PLD5: variants seen among roughly 807,000 people sequenced by gnomAD.
The protein encoded by PLD5 is phospholipase D family member 5.
Under a neutral mutation model 61.1 loss-of-function variants are expected in PLD5, and 36 were observed. That is an observed-to-expected ratio of 0.59 (90% CI 0.45 to 0.78). The LOEUF (loss-of-function observed/expected upper bound fraction) is 0.78. PLD5 is among the 30% of genes least tolerant of loss of function. PLD5 has a pLI of 0.00. For missense variants in PLD5, 515 were observed against 644.4 expected (o/e 0.80, Z 2.17); for synonymous variants, 243 against 242.8 (o/e 1.00, Z -0.01).
intron 5 of PLD5, among the ~76,000 whole-genome samples, chr1:242,148,842 A>G (rs1664721728): frequency 6.6e-6 from 1 of 152,000 alleles, no homozygotes; most frequent in South Asian, 2.1e-4. Flanking sequence ...TTCTACATAC[A>G]GAAACATTAA....
intron 8 of PLD5, among the ~76,000 whole-genome samples, chr1:242,102,828 G>T (rs1660785427): frequency 1.3e-5 from 2 of 151,912 alleles, no homozygotes; most frequent in Non-Finnish European, 2.9e-5. Context: ...GGCTATATGT[G>T]AACTACTAAT....
chr1:242,505,278 G>C (rs1354037457), intron 1 of PLD5, among the ~76,000 whole-genome samples: 1 of 152,208 alleles, frequency 6.6e-6, no homozygotes, highest in East Asian at 1.9e-4. Flanking sequence ...CTGTTTTAAA[G>C]AGGACACAGC....
chr1:242,398,947 A>G (rs548649227), intron 1 of PLD5, among the ~76,000 whole-genome samples: 181 of 152,178 alleles, frequency 1.2e-3, no homozygotes, highest in Non-Finnish European at 2.2e-3. Flanking sequence ...AGCTAGGGAC[A>G]TAGTGAGCCC....
chr1:242,523,404 T>A (rs1283925199), intron 1 of PLD5, among the ~76,000 whole-genome samples: 1 of 152,078 alleles, frequency 6.6e-6, no homozygotes, highest in Non-Finnish European at 1.5e-5. Flanking sequence ...CCAATTCACT[T>A]CGCGTGAAGT....
At chr1:242,369,322 T>C (rs1661507614) in intron 1 of PLD5, among the ~76,000 whole-genome samples, 1 of 152,020 alleles carries the variant, frequency 6.6e-6, no homozygotes, top group African/African-American at 2.4e-5. Context: ...CATGGCAATT[T>C]GGCAGTTTTT....
At chr1:242,415,055 G>GT (rs1038348266) in intron 1 of PLD5, among the ~76,000 whole-genome samples, 49 of 152,342 alleles carry the variant, frequency 3.2e-4, no homozygotes, top group African/African-American at 9.9e-4. Flanking sequence ...TTGAGGTACA[G>GT]TTTTTTCACC....
At chr1:242,181,664 T>TTG (rs773415855) in intron 5 of PLD5, among the ~76,000 whole-genome samples, 2 of 134,786 alleles carry the variant, frequency 1.5e-5, no homozygotes, top group African/African-American at 2.8e-5. Flanking sequence ...ATGGTTTTTT[T>TTG]TTGTTTTGTT....
intron 9 of PLD5, 145 bp from the exon 10 acceptor site, chr1:242,090,255 A>G (rs917683322): frequency 9.6e-7 from 1 of 1,045,870 alleles, no homozygotes; most frequent in Non-Finnish European, 1.3e-6. Flanking sequence ...GACAGCTCCG[A>G]AAAAAAAATC....
chr1:242,427,975 C>A (rs1457971022), intron 1 of PLD5, among the ~76,000 whole-genome samples: 6 of 152,088 alleles, frequency 3.9e-5, no homozygotes, highest in African/African-American at 1.2e-4. Context: ...AAAATTGTAA[C>A]CAGACTGAAA....
chr1:242,095,086 G>C (rs1001180815), intron 9 of PLD5, among the ~76,000 whole-genome samples: 1 of 151,948 alleles, frequency 6.6e-6, no homozygotes, highest in Non-Finnish European at 1.5e-5. Context: ...ACAGGTGCCC[G>C]CCACCACGCC....
At position 242,281,218 on chromosome 1, in the gene PLD5, C is replaced by T. The variant is rs141171147; in HGVS notation, c.495+7144G>A. Among the ~76,000 whole-genome samples, 932 of 152,206 alleles carry T rather than the reference C, an allele frequency of 6.1e-3. 9 individuals carry two copies. The highest frequency in any genetic ancestry group is 0.021 in the African/African-American group (885 of 41,514). On this transcript the variant is annotated intron_variant, in intron 3 of 9. Transcript: ENST00000536534. Reference sequence around the variant, plus strand: ...CTATGAAACAAACATGGCAAGGAAACGTTTTATAAGTTTGATGAAACAAAA... The same window carrying T: ...CTATGAAACAAACATGGCAAGGAAATGTTTTATAAGTTTGATGAAACAAAA...
intron 1 of PLD5, among the ~76,000 whole-genome samples, chr1:242,382,090 G>A (rs1422303179): frequency 6.8e-6 from 1 of 147,902 alleles, no homozygotes; most frequent in East Asian, 2.0e-4. Context: ...TGATTCCCGG[G>A]GTTTGACTCA....
At chr1:242,405,884 G>A (rs746431396) in intron 1 of PLD5, among the ~76,000 whole-genome samples, 4 of 151,760 alleles carry the variant, frequency 2.6e-5, no homozygotes, top group Admixed American at 6.6e-5. Context: ...TTACAGGTGT[G>A]AGCCACTGAG....
intron 9 of PLD5, among the ~76,000 whole-genome samples, chr1:242,096,738 ATTT>A (rs536736680): frequency 8.1e-6 from 1 of 123,402 alleles, no homozygotes; most frequent in African/African-American, 3.1e-5. Flanking sequence ...CTGGACTTTT[ATTT>A]TTTATTTTTA....
chr1:242,294,899 CACG>C (rs1418163243), intron 2 of PLD5, among the ~76,000 whole-genome samples: 5 of 152,242 alleles, frequency 3.3e-5, no homozygotes, highest in East Asian at 3.9e-4. Flanking sequence ...CTGGTGCCTA[CACG>C]ACATTTTCAA....
At chr1:242,523,043 T>TG (rs990200705) in intron 1 of PLD5, among the ~76,000 whole-genome samples, 1 of 152,066 alleles carries the variant, frequency 6.6e-6, no homozygotes, top group Admixed American at 6.6e-5. Flanking sequence ...AGGAGTGCTT[T>TG]GGGGGGCAGA....
intron 5 of PLD5, among the ~76,000 whole-genome samples, chr1:242,168,768 G>T (rs2148868963): frequency 6.7e-6 from 1 of 150,192 alleles, no homozygotes; most frequent in East Asian, 2.0e-4. Context: ...TAGTAAAATA[G>T]CAGTTGTTTA....
At chr1:242,323,895 A>G (rs550785309) in intron 2 of PLD5, among the ~76,000 whole-genome samples, 1 of 152,298 alleles carries the variant, frequency 6.6e-6, no homozygotes, top group Non-Finnish European at 1.5e-5. Flanking sequence ...AAAGTCATAC[A>G]TGACTTGATA....
At chr1:242,443,674 A>G (rs2102911097) in intron 1 of PLD5, among the ~76,000 whole-genome samples, 1 of 152,264 alleles carries the variant, frequency 6.6e-6, no homozygotes, top group Middle Eastern at 3.4e-3. Flanking sequence ...GCTTAACCTG[A>G]AGCACCTAAG....
Sources: allele counts gnomAD v4.1 joint callset (sites outside exome capture counted in the v4.1 genomes callset), GRCh38; gene constraint gnomAD v4.1.1; transcripts MANE v1.5; gene names NCBI Gene and HGNC (gene_info 2026-07-23, HGNC 2026-07-21).